Variants in CCDC192 observed in about 807,000 individuals in gnomAD.
CCDC192 encodes coiled-coil domain containing 192.
At chr5:127,787,020 T>C (rs1018340682) in intron 3 of CCDC192, 5 of 325,136 alleles carry the variant, frequency 1.5e-5, no homozygotes, top group Non-Finnish European at 3.0e-5. Context: ...CCATGGGGGT[T>C]CTGGCTCCGG....
intron 2 of CCDC192, among the ~76,000 whole-genome samples, chr5:127,708,101 G>A (rs557706545): frequency 6.6e-6 from 1 of 152,156 alleles, no homozygotes; most frequent in Non-Finnish European, 1.5e-5. Context: ...GTCAGCTTGT[G>A]TATGAGGAAA....
intron 2 of CCDC192, among the ~76,000 whole-genome samples, chr5:127,710,990 T>C (rs1306666323): frequency 6.6e-6 from 1 of 152,220 alleles, no homozygotes; most frequent in Admixed American, 6.5e-5. Context: ...TTTGCTGCAT[T>C]TTAACATCTT....
At chr5:127,844,443 A>G (rs1750435319) in intron 5 of CCDC192, among the ~76,000 whole-genome samples, 1 of 152,254 alleles carries the variant, frequency 6.6e-6, no homozygotes, top group Non-Finnish European at 1.5e-5. Flanking sequence ...CCATCACAAT[A>G]ACAGAGCTGA....
intron 2 of CCDC192, among the ~76,000 whole-genome samples, chr5:127,725,902 A>C (rs1302018341): frequency 6.6e-6 from 1 of 152,212 alleles, no homozygotes; most frequent in Non-Finnish European, 1.5e-5. Flanking sequence ...ACACAGTATA[A>C]AATTGAAAGA....
intron 6 of CCDC192, among the ~76,000 whole-genome samples, chr5:127,918,800 C>T (rs575346629): frequency 1.3e-3 from 192 of 151,702 alleles, no homozygotes; most frequent in African/African-American, 4.5e-3. Flanking sequence ...TGTATATATG[C>T]GTGTGTGTAT....
At position 127,709,159 on chromosome 5, in the gene CCDC192, GA is replaced by G. The variant is rs200159308; in HGVS notation, c.114+1400del. Reference sequence around the variant, plus strand: ...AGGGAGGAGAGAAAGAAGAGAGAGAGAGGGGGAGAGGGGGAGAGAGGGGGAG... The same window carrying G: ...AGGGAGGAGAGAAAGAAGAGAGAGAGGGGGGAGAGGGGGAGAGAGGGGGAG... On this transcript the variant is annotated intron_variant, in intron 2 of 6. Transcript: ENST00000514853. 7.6e-3 allele frequency among the ~76,000 whole-genome samples: 1,009 copies of G among 132,992 alleles called. 14 individuals are homozygous for G. Among genetic ancestry groups the G allele is most frequent in the Non-Finnish European group, 0.012 (751 of 62,166 alleles). 87.2% of individuals were successfully genotyped at this position (132,992 alleles called of 152,430 possible). A position where few individuals can be genotyped will look rare whatever the true frequency, so the allele number is the denominator to read the frequency against.
intron 5 of CCDC192, among the ~76,000 whole-genome samples, chr5:127,822,698 A>C (rs1259806657): frequency 6.6e-6 from 1 of 152,168 alleles, no homozygotes; most frequent in Non-Finnish European, 1.5e-5. Flanking sequence ...ACGCTCCCTC[A>C]GAGGCTCCAG....
At position 127,719,524 on chromosome 5, in the gene CCDC192, T is replaced by TATATATATATATAC. The variant is rs1561444898; in HGVS notation, c.114+11765_114+11766insTATATATATATACA. ...ACACATACATATATATATATATATA[T>TATATATATATATAC]ACACACATACATATATATATATATA... is the stretch of plus-strand genomic sequence containing the variant. On this transcript the variant is annotated intron_variant, in intron 2 of 6. Coordinates refer to ENST00000514853, the MANE Select transcript of CCDC192 (RefSeq NM_001317938.2). Among the ~76,000 whole-genome samples, 54 of 88,208 alleles carry TATATATATATATAC rather than the reference T, an allele frequency of 6.1e-4. No homozygotes were observed. The East Asian group carries it at 7.5e-3, about 12-fold the overall frequency. The allele number at this position is 88,208 out of a possible 152,430, so 57.9% of individuals were successfully genotyped here.
chr5:127,714,055 T>G (rs1751484665), intron 2 of CCDC192, among the ~76,000 whole-genome samples: 1 of 152,170 alleles, frequency 6.6e-6, no homozygotes, highest in Non-Finnish European at 1.5e-5. Context: ...ATGAAATTGA[T>G]TTTTTTAGAT....
intron 6 of CCDC192, among the ~76,000 whole-genome samples, chr5:127,892,904 C>T (rs1271353323): frequency 6.6e-6 from 1 of 152,016 alleles, no homozygotes; most frequent in South Asian, 2.1e-4. Flanking sequence ...TCCATTGTCT[C>T]GAGTGACACA....
chr5:127,775,772 G>A (rs115646197), intron 3 of CCDC192, among the ~76,000 whole-genome samples: 1,824 of 152,170 alleles, frequency 0.012, 37 homozygotes, highest in African/African-American at 0.041. Flanking sequence ...TTATGAGGGC[G>A]GTTCCCCCAT....
chr5:127,846,819 C>CAAAAAAAAAAAAAAAAA (rs551016691), intron 5 of CCDC192, among the ~76,000 whole-genome samples: 1 of 63,678 alleles, frequency 1.6e-5, no homozygotes, highest in Non-Finnish European at 2.9e-5. Context: ...GTCAATAAAG[C>CAAAAAAAAAAAAAAAAA]AAAAAAAAAA....
chr5:127,925,425 A>G (rs2127195093), intron 6 of CCDC192, among the ~76,000 whole-genome samples: 1 of 152,326 alleles, frequency 6.6e-6, no homozygotes, highest in East Asian at 1.9e-4. Context: ...GAGGAATTGA[A>G]AGACGAGTAT....
intron 2 of CCDC192, among the ~76,000 whole-genome samples, chr5:127,734,887 C>T (rs1752878383): frequency 6.6e-6 from 1 of 151,594 alleles, no homozygotes; most frequent in African/African-American, 2.4e-5. Context: ...TGCCTGTTCA[C>T]TCTGATGGTA....
At chr5:127,843,846 G>GCC (rs1750410619) in intron 5 of CCDC192, among the ~76,000 whole-genome samples, 1 of 152,122 alleles carries the variant, frequency 6.6e-6, no homozygotes, top group Non-Finnish European at 1.5e-5. Flanking sequence ...CTTCCTTCAT[G>GCC]CCATCAGCTT....
At chr5:127,828,933 A>C (rs1749661042) in intron 5 of CCDC192, among the ~76,000 whole-genome samples, 1 of 152,146 alleles carries the variant, frequency 6.6e-6, no homozygotes, top group Non-Finnish European at 1.5e-5. Flanking sequence ...ACAGACTGGG[A>C]GCAATGTGGA....
intron 6 of CCDC192, among the ~76,000 whole-genome samples, chr5:127,936,788 C>A (rs948958617): frequency 1.3e-5 from 2 of 152,208 alleles, no homozygotes; most frequent in South Asian, 4.1e-4. Flanking sequence ...GATAACAGCA[C>A]CTCCAGGCTT....
intron 2 of CCDC192, among the ~76,000 whole-genome samples, chr5:127,749,780 A>T (rs1754021138): frequency 6.6e-6 from 1 of 152,146 alleles, no homozygotes; most frequent in Non-Finnish European, 1.5e-5. Flanking sequence ...GATTATTGCC[A>T]CAATTTGAGA....
intron 1 of CCDC192, among the ~76,000 whole-genome samples, chr5:127,704,811 C>T (rs1750867214): frequency 6.6e-6 from 1 of 151,558 alleles, no homozygotes; most frequent in Non-Finnish European, 1.5e-5. Context: ...TGCACTCCAG[C>T]CTGGGCGACA....
Sources: gnomAD v4.1 joint callset for allele counts (sites outside exome capture counted in the v4.1 genomes callset) on GRCh38, gnomAD v4.1.1 for gene constraint, MANE v1.5 for transcripts, NCBI Gene and HGNC (gene_info 2026-07-23, HGNC 2026-07-21) for gene names.